Variants in MYO5B observed in about 807,000 individuals in gnomAD.
MYO5B encodes myosin VB, also known as unconventional myosin-Vb.
In MYO5B, 143 loss-of-function variants were observed where a neutral mutation model predicts 229.3. The observed-to-expected ratio is 0.62, with a 90% CI of 0.54 to 0.72. MYO5B has a LOEUF of 0.72. MYO5B is among the 30% of genes least tolerant of loss of function. The pLI, the probability that MYO5B is intolerant of heterozygous loss-of-function variation, is 0.00. For missense variants in MYO5B, 2,321 were observed against 2,331.0 expected (o/e 1.00, Z 0.09); for synonymous variants, 918 against 885.2 (o/e 1.04, Z -0.66).
intron 4 of MYO5B, among the ~76,000 whole-genome samples, chr18:50,028,992 T>C (rs1163214122): frequency 6.6e-6 from 1 of 152,256 alleles, no homozygotes; most frequent in Non-Finnish European, 1.5e-5. Context: ...CTTTCCTAAA[T>C]GCATAATTTT....
At chr18:49,987,494 T>C (rs1390803868) in intron 7 of MYO5B, among the ~76,000 whole-genome samples, 1 of 152,108 alleles carries the variant, frequency 6.6e-6, no homozygotes, top group African/African-American at 2.4e-5. Context: ...TAGGTCTCTC[T>C]CTTTACAAAG....
In MYO5B at chr18:49,928,203, C is replaced by T. The variant is rs147895048; in HGVS notation, c.2090+1309G>A. On this transcript the variant is annotated intron_variant, in intron 17 of 39. Transcript: ENST00000285039. ...ACAAGGGGATACCACCTTACTCCTG[C>T]AAGAATGGCCATAACTGAAAAATCA... Among the ~76,000 whole-genome samples the T allele has an allele frequency of 2.6e-5, 4 of 152,160 alleles. No homozygotes were observed. The East Asian group carries it at 7.7e-4, about 29-fold the overall frequency.
At chr18:49,872,300 C>A (rs2024464621) in intron 26 of MYO5B, 68 bp from the exon 27 acceptor site, 11 of 1,545,304 alleles carry the variant, frequency 7.1e-6, no homozygotes, top group Middle Eastern at 1.7e-4. Flanking sequence ...GTGTTTCCAA[C>A]TGTGGTCAAA....
Position 49,952,642 on chromosome 18 carries a change from C to CTT in MYO5B, c.1752+616_1752+617dup, listed in dbSNP as rs1373671265. On this transcript the variant is annotated intron_variant, in intron 14 of 39. Coordinates refer to ENST00000285039, the MANE Select transcript of MYO5B (RefSeq NM_001080467.3). ...AATATATGTTTGGGTGAATTGGTGC[C>CTT]TTCTTTCCTCTACCTGTAGAATGGA... Among the ~76,000 whole-genome samples the CTT allele has an allele frequency of 2.6e-5, 4 of 152,144 alleles. No individual in the cohort carries two copies. The East Asian group carries it at 5.8e-4, about 22-fold the overall frequency.
intron 1 of MYO5B, among the ~76,000 whole-genome samples, chr18:50,162,539 C>A (rs1043743285): frequency 6.6e-6 from 1 of 152,168 alleles, no homozygotes; most frequent in African/African-American, 2.4e-5. Flanking sequence ...TTGGTCACAG[C>A]CTCCTGTAAC....
chr18:50,042,067 C>G (rs1019136457), intron 2 of MYO5B, among the ~76,000 whole-genome samples: 3 of 152,150 alleles, frequency 2.0e-5, no homozygotes, highest in African/African-American at 7.2e-5. Context: ...TGACAAGACC[C>G]TAACAAGGAA....
intron 32 of MYO5B, among the ~76,000 whole-genome samples, chr18:49,848,511 A>T (rs901765069): frequency 1.3e-5 from 2 of 152,026 alleles, no homozygotes; most frequent in Non-Finnish European, 1.5e-5. Flanking sequence ...GGTGGGGGAG[A>T]GTGTGAGAGG....
At position 50,083,931 on chromosome 18, in the gene MYO5B, C is replaced by A. The variant is rs116630313; in HGVS notation, c.28-28553G>T. Among the ~76,000 whole-genome samples the A allele has an allele frequency of 5.8e-3, 877 of 152,290 alleles. 8 individuals carry two copies. Among genetic ancestry groups the A allele is most frequent in the African/African-American group, 0.019 (810 of 41,558 alleles). On this transcript the variant is annotated intron_variant, in intron 1 of 39. Coordinates refer to ENST00000285039, the MANE Select transcript of MYO5B (RefSeq NM_001080467.3). ...TTACATCATCATTCACCCAAACTGC[C>A]ACAGAAGTTTCATAGTAAGACCCTA... is the stretch of plus-strand genomic sequence containing the variant.
chr18:50,001,144 G>A, intron 5 of MYO5B, 111 bp downstream of exon 5: 1 of 1,357,824 alleles, frequency 7.4e-7, no homozygotes, highest in Non-Finnish European at 1.1e-6. Flanking sequence ...AGTGGACAGA[G>A]GGCTCTCAGG....
chr18:50,035,293 C>A (rs1461118057), intron 4 of MYO5B, among the ~76,000 whole-genome samples: 1 of 152,222 alleles, frequency 6.6e-6, no homozygotes, highest in East Asian at 1.9e-4. Context: ...GGGATGAAAG[C>A]ATCCAGCCAT....
chr18:50,136,195 C>T (rs2032331606), intron 1 of MYO5B, among the ~76,000 whole-genome samples: 1 of 152,160 alleles, frequency 6.6e-6, no homozygotes, highest in Non-Finnish European at 1.5e-5. Flanking sequence ...TCCCAAGGTC[C>T]CACAGTATGT....
chr18:50,033,668 GCA>G (rs1326462057), intron 4 of MYO5B, among the ~76,000 whole-genome samples: 2 of 152,156 alleles, frequency 1.3e-5, no homozygotes. Flanking sequence ...GGAGTAGAAA[GCA>G]CACAGCTAAG....
chr18:49,849,268 G>A (rs1015583819), intron 32 of MYO5B, among the ~76,000 whole-genome samples: 1 of 152,146 alleles, frequency 6.6e-6, no homozygotes, highest in Non-Finnish European at 1.5e-5. Context: ...ACTTCAAGCC[G>A]TTTGAGGGCA....
intron 4 of MYO5B, among the ~76,000 whole-genome samples, chr18:50,018,129 G>C (rs1389800162): frequency 2.6e-5 from 4 of 152,058 alleles, no homozygotes; most frequent in Non-Finnish European, 5.9e-5. Context: ...GTCCAGGCTG[G>C]ATGGCTATTC....
chr18:49,865,830 G>C (rs187814479), intron 27 of MYO5B, among the ~76,000 whole-genome samples: 2 of 152,222 alleles, frequency 1.3e-5, no homozygotes, highest in Non-Finnish European at 2.9e-5. Flanking sequence ...GTTTTTCAAG[G>C]ATTTCTACCC....
chr18:49,918,484 A>AGG (rs2025040444), intron 17 of MYO5B, among the ~76,000 whole-genome samples: 1 of 152,268 alleles, frequency 6.6e-6, no homozygotes, highest in Admixed American at 6.5e-5. Flanking sequence ...TCTTCCGGTC[A>AGG]GAATTAGGTG....
intron 5 of MYO5B, among the ~76,000 whole-genome samples, chr18:49,996,057 A>C (rs922784281): frequency 2.0e-5 from 3 of 152,204 alleles, no homozygotes; most frequent in African/African-American, 7.2e-5. Context: ...TCAATTTCAA[A>C]CTTTTAATTT....
chr18:49,908,370 T>C (rs1297335363), intron 18 of MYO5B, among the ~76,000 whole-genome samples: 1 of 152,212 alleles, frequency 6.6e-6, no homozygotes, highest in Non-Finnish European at 1.5e-5. Context: ...TTTGAGAACC[T>C]TTCTCCAAGA....
intron 1 of MYO5B, among the ~76,000 whole-genome samples, chr18:50,072,362 A>T (rs1295460058): frequency 1.3e-5 from 2 of 152,240 alleles, no homozygotes; most frequent in African/African-American, 4.8e-5. Flanking sequence ...CAGCTGGTGA[A>T]AAAGCAGCCC....
Sources: allele counts gnomAD v4.1 joint callset (sites outside exome capture counted in the v4.1 genomes callset), GRCh38; gene constraint gnomAD v4.1.1; transcripts MANE v1.5; gene names NCBI Gene and HGNC (gene_info 2026-07-23, HGNC 2026-07-21).